The following ZC4H2 variants were observed in gnomAD, a reference collection of about 807,000 sequenced individuals.
ZC4H2 encodes the protein zinc finger C4H2-type containing.
For synonymous variants in ZC4H2, 84 were observed against 66.3 expected, an observed-to-expected ratio of 1.27 and a Z score of -1.30; for missense variants, 137 against 173.9, an observed-to-expected ratio of 0.79 and a Z score of 1.19.
upstream of ZC4H2, among the ~76,000 whole-genome samples, chrX:64,978,322 T>C (rs1424354318): frequency 8.9e-6 from 1 of 112,170 alleles, no homozygotes; most frequent in Non-Finnish European, 1.9e-5. Flanking sequence ...ATAACTTTCT[T>C]AACCATAAAA....
chrX:65,004,817 T>C (rs1213305669), intron 1 of ZC4H2, among the ~76,000 whole-genome samples: 1 of 111,984 alleles, frequency 8.9e-6, no homozygotes, highest in Non-Finnish European at 1.9e-5. Flanking sequence ...GACATGATTG[T>C]ATATTTAGAA....
intron 1 of ZC4H2, among the ~76,000 whole-genome samples, chrX:64,952,509 T>A (rs1235584087): frequency 9.0e-6 from 1 of 110,739 alleles, no homozygotes; most frequent in Non-Finnish European, 1.9e-5. Flanking sequence ...TCACAAGCAT[T>A]CTTATACACC....
chrX:64,924,563 C>A (rs946460427), intron 1 of ZC4H2, among the ~76,000 whole-genome samples: 8 of 111,126 alleles, frequency 7.2e-5, no homozygotes, highest in African/African-American at 2.3e-4. Context: ...ACAAAGGGAC[C>A]TAACATAGTC....
intron 1 of ZC4H2, among the ~76,000 whole-genome samples, chrX:64,966,956 T>C (rs1287087435): frequency 9.0e-6 from 1 of 111,390 alleles, no homozygotes; most frequent in Non-Finnish European, 1.9e-5. Context: ...AAAATATAAC[T>C]CAAATTATCC....
intron 1 of ZC4H2, among the ~76,000 whole-genome samples, chrX:64,929,214 A>AT (rs928561210): frequency 7.1e-4 from 77 of 108,720 alleles, no homozygotes; most frequent in Non-Finnish European, 8.6e-4. Context: ...TTTTGATGGG[A>AT]TTTTTTTTGT....
intron 1 of ZC4H2, among the ~76,000 whole-genome samples, chrX:64,938,128 A>T (rs1930099016): frequency 8.9e-6 from 1 of 112,256 alleles, no homozygotes; most frequent in Non-Finnish European, 1.9e-5. Context: ...ACAGAAATAC[A>T]AACTATCATC....
intron 1 of ZC4H2, among the ~76,000 whole-genome samples, chrX:65,028,186 A>C (rs777279528): frequency 1.6e-4 from 18 of 111,300 alleles, no homozygotes; most frequent in Non-Finnish European, 3.2e-4. Flanking sequence ...CTAGCTAGCT[A>C]GCTGCTATAA....
chrX:65,022,764 G>A (rs1188977975), intron 1 of ZC4H2, among the ~76,000 whole-genome samples: 2 of 111,789 alleles, frequency 1.8e-5, no homozygotes, highest in Non-Finnish European at 3.8e-5. Context: ...TCTTCAAGGA[G>A]AACTACAAAC....
intron 1 of ZC4H2, among the ~76,000 whole-genome samples, chrX:64,948,382 C>A (rs1034030688): frequency 1.8e-5 from 2 of 111,736 alleles, no homozygotes; most frequent in Non-Finnish European, 3.8e-5. Flanking sequence ...TCTGGATATT[C>A]ATGAGGATTT....
intron 2 of ZC4H2, among the ~76,000 whole-genome samples, chrX:64,920,510 G>T (rs1371317797): frequency 1.8e-5 from 2 of 111,801 alleles, no homozygotes; most frequent in Non-Finnish European, 3.8e-5. Flanking sequence ...TCAGTAAATG[G>T]GCTAAATTAA....
intron 1 of ZC4H2, among the ~76,000 whole-genome samples, chrX:64,946,040 C>T (rs889521409): frequency 2.7e-5 from 3 of 110,958 alleles, no homozygotes; most frequent in African/African-American, 9.9e-5. Context: ...ACCTGCTAAG[C>T]GAGATCACTT....
chrX:64,929,732 T>C (rs1929656451), intron 1 of ZC4H2, among the ~76,000 whole-genome samples: 1 of 112,001 alleles, frequency 8.9e-6, no homozygotes, highest in Non-Finnish European at 1.9e-5. Flanking sequence ...TCTTCATGCC[T>C]ATTTTTATAC....
At chrX:65,018,676 C>T (rs1430874219) in intron 1 of ZC4H2, among the ~76,000 whole-genome samples, 5 of 109,763 alleles carry the variant, frequency 4.6e-5, no homozygotes, top group East Asian at 5.7e-4. Flanking sequence ...GGAATGCCAG[C>T]GAGACAGAAC....
chrX:64,941,650 T>A (rs1930286274), intron 1 of ZC4H2, among the ~76,000 whole-genome samples: 1 of 112,419 alleles, frequency 8.9e-6, no homozygotes, highest in African/African-American at 3.2e-5. Context: ...ATTGAAATAA[T>A]CATGAGGTTT....
At chrX:64,949,441 A>G (rs986817756) in intron 1 of ZC4H2, among the ~76,000 whole-genome samples, 4 of 111,488 alleles carry the variant, frequency 3.6e-5, no homozygotes, top group African/African-American at 1.3e-4. Context: ...AAACTTTACC[A>G]TATTTGATGG....
chrX:64,977,185 A>C (rs1160186815), upstream of ZC4H2, among the ~76,000 whole-genome samples: 1 of 111,799 alleles, frequency 8.9e-6, no homozygotes, highest in Non-Finnish European at 1.9e-5. Flanking sequence ...GTCAAAATAC[A>C]GGAATAGATA....
At chrX:64,951,896 A>G (rs1930860608) in intron 1 of ZC4H2, among the ~76,000 whole-genome samples, 1 of 111,466 alleles carries the variant, frequency 9.0e-6, no homozygotes, top group South Asian at 3.8e-4. Flanking sequence ...CCTGAATGGT[A>G]ATGCCTAGGT....
chrX:64,987,642 T>C (rs1602439694), intron 1 of ZC4H2, among the ~76,000 whole-genome samples: 1 of 108,804 alleles, frequency 9.2e-6, no homozygotes. Flanking sequence ...ATAAAACTTT[T>C]AGAAAAAAAA....
rs1190906161 is a variant in ZC4H2 at position 64,917,569 on chromosome X, C to T, written c.*214G>A. 1 of 450,049 alleles carries T rather than the reference C, an allele frequency of 2.2e-6. No individual in the cohort carries two copies. The highest frequency in any genetic ancestry group is 3.6e-6 in the Non-Finnish European group (1 of 278,854). The allele number at this position is 450,049 out of a possible 1,213,427, so 37.1% of individuals were successfully genotyped here. On this transcript the variant is annotated 3_prime_UTR_variant, in exon 5 of 5. Transcript: ENST00000374839. ...GAGTGGGAGAGAAGGGATCATCAGA[C>T]ACACTGTTTAGCACCTGAACCACAT...
Sources: gnomAD v4.1 joint callset for allele counts (sites outside exome capture counted in the v4.1 genomes callset) on GRCh38, gnomAD v4.1.1 for gene constraint, MANE v1.5 for transcripts, NCBI Gene and HGNC (gene_info 2026-07-23, HGNC 2026-07-21) for gene names.